NRXN1: variants seen among roughly 807,000 people sequenced by gnomAD.
NRXN1 encodes neurexin-1.
In NRXN1, 39 loss-of-function variants were observed where a neutral mutation model predicts 150.9. The observed-to-expected ratio is 0.26, with a 90% CI of 0.20 to 0.34. NRXN1 has a LOEUF of 0.34. NRXN1 is among the 10% of genes least tolerant of loss of function. The pLI, the probability that NRXN1 is intolerant of heterozygous loss-of-function variation, is 1.00. For synonymous variants in NRXN1, 924 were observed against 757.0 expected, an observed-to-expected ratio of 1.22 and a Z score of -3.62; for missense variants, 1,815 against 1,949.9, an observed-to-expected ratio of 0.93 and a Z score of 1.30.
chr2:50,079,377 T>G (rs1309576968), intron 19 of NRXN1, among the ~76,000 whole-genome samples: 1 of 152,118 alleles, frequency 6.6e-6, no homozygotes, highest in Non-Finnish European at 1.5e-5. Flanking sequence ...ATTTTCCTAT[T>G]AGCTATTGTT....
At chr2:50,015,516 CAAAAAAAAAA>C (rs34466037) in intron 21 of NRXN1, among the ~76,000 whole-genome samples, 15 of 31,324 alleles carry the variant, frequency 4.8e-4, no homozygotes, top group African/African-American at 1.6e-3. Context: ...GGATTTCTGC[CAAAAAAAAAA>C]AAAAAAAAAA....
At chr2:50,938,164 G>A (rs937144774) in intron 2 of NRXN1, among the ~76,000 whole-genome samples, 1 of 152,134 alleles carries the variant, frequency 6.6e-6, no homozygotes, top group Non-Finnish European at 1.5e-5. Flanking sequence ...ACAGTAGATA[G>A]TGAGTAAATG....
At chr2:50,797,084 C>G (rs1706941901) in intron 5 of NRXN1, among the ~76,000 whole-genome samples, 1 of 152,144 alleles carries the variant, frequency 6.6e-6, no homozygotes, top group South Asian at 2.1e-4. Context: ...TAATAACTTT[C>G]CGAAAGTCCC....
chr2:50,074,492 C>T lies in NRXN1; in HGVS notation c.3718+16831G>A, dbSNP rs186029992. 4.3e-3 allele frequency among the ~76,000 whole-genome samples: 660 copies of T among 152,182 alleles called. 4 individuals carry two copies. The highest frequency in any genetic ancestry group is 6.9e-3 in the Non-Finnish European group (468 of 67,954). On this transcript the variant is annotated intron_variant, in intron 19 of 22. Coordinates refer to ENST00000401669, the MANE Select transcript of NRXN1 (RefSeq NM_001330078.2). ...AAAATGGGGATAATTTATGAGGTTA[C>T]TTTTAAGAATAATATGTAATGTCTG...
intron 5 of NRXN1, among the ~76,000 whole-genome samples, chr2:50,715,827 C>T (rs1396723100): frequency 6.6e-6 from 1 of 152,124 alleles, no homozygotes; most frequent in Non-Finnish European, 1.5e-5. Context: ...TATTAATCTC[C>T]ATATATTGAT....
chr2:50,842,993 C>T (rs544371440), intron 5 of NRXN1, among the ~76,000 whole-genome samples: 1 of 151,970 alleles, frequency 6.6e-6, no homozygotes, highest in African/African-American at 2.4e-5. Context: ...AGAGAGAATC[C>T]AAATCATTTA....
chr2:50,746,508 T>C (rs1171364440), intron 5 of NRXN1, among the ~76,000 whole-genome samples: 1 of 151,848 alleles, frequency 6.6e-6, no homozygotes, highest in East Asian at 1.9e-4. Context: ...CAGTGAGCCA[T>C]GATTATGATA....
chr2:50,547,297 C>A (rs908470618), intron 9 of NRXN1, among the ~76,000 whole-genome samples: 1 of 116,546 alleles, frequency 8.6e-6, no homozygotes, highest in Non-Finnish European at 1.7e-5. Context: ...TGATGGTTTA[C>A]AAAATAAATA....
At position 50,447,479 on chromosome 2, in the gene NRXN1, CAAAAAA is replaced by C. The variant is rs35878890; in HGVS notation, c.3364+17957_3364+17962del. Among the ~76,000 whole-genome samples, 4 of 38,568 alleles carry C rather than the reference CAAAAAA, an allele frequency of 1.0e-4. 1 individual carries two copies. The highest frequency in any genetic ancestry group is 1.4e-3 in the East Asian group (2 of 1,406). The allele number at this position is 38,568 out of a possible 152,430, so 25.3% of individuals were successfully genotyped here. ...TGGGTGACAGAGTGAGACTCTGTCT[CAAAAAA>C]AAAAAAAAAAAAAAAAAAAAGGAAT... On this transcript the variant is annotated intron_variant, in intron 17 of 22. Coordinates refer to ENST00000401669, the MANE Select transcript of NRXN1 (RefSeq NM_001330078.2).
intron 21 of NRXN1, among the ~76,000 whole-genome samples, chr2:49,965,055 T>G (rs1676708280): frequency 6.6e-6 from 1 of 151,926 alleles, no homozygotes. Context: ...ATTTTTTGTA[T>G]TTTTGGTAGA....
At position 50,438,716 on chromosome 2, in the gene NRXN1, G is replaced by A. The variant is rs1012589; in HGVS notation, c.3364+26726C>T. The stretch of plus-strand genomic sequence containing the variant: ...CTAAGTTTTACTGGAGAATAAAAAC[G>A]ACTAATAAATGTTTTATTAATAATC... On this transcript the variant is annotated intron_variant, in intron 17 of 22. Coordinates refer to ENST00000401669, the MANE Select transcript of NRXN1 (RefSeq NM_001330078.2). 7.9e-3 allele frequency among the ~76,000 whole-genome samples: 1,206 copies of A among 152,212 alleles called. 17 individuals are homozygous for A. The highest frequency in any genetic ancestry group is 0.028 in the African/African-American group (1,154 of 41,532).
chr2:50,747,460 C>T (rs1445964724), intron 5 of NRXN1, among the ~76,000 whole-genome samples: 1 of 152,096 alleles, frequency 6.6e-6, no homozygotes, highest in Non-Finnish European at 1.5e-5. Context: ...CTTCACACAA[C>T]ACAGTCAACC....
At position 50,168,067 on chromosome 2, in the gene NRXN1, A is replaced by C. The variant is rs1381012304; in HGVS notation, c.3546+68722T>G. Among the ~76,000 whole-genome samples, 3 of 152,086 alleles carry C rather than the reference A, an allele frequency of 2.0e-5. No individual in the cohort carries two copies. In the East Asian group the frequency reaches 5.8e-4, roughly 29 times the overall value. ...TCAATTCCTCTGTTTGCAATGCAGC[A>C]ATATCTTGTTTGAATGCAAATTAAA... On this transcript the variant is annotated intron_variant, in intron 18 of 22. Coordinates refer to ENST00000401669, the MANE Select transcript of NRXN1 (RefSeq NM_001330078.2).
rs145337888 is a variant in NRXN1, at chr2:50,175,654, T to C, written c.3546+61135A>G. Among the ~76,000 whole-genome samples, 184 of 152,182 alleles carry C rather than the reference T, an allele frequency of 1.2e-3. 1 individual carries two copies. The highest frequency in any genetic ancestry group is 4.2e-3 in the African/African-American group (176 of 41,530). ...GCATATATATGCACATGCATGTCTATCTATACATATACATTTACAACAAAG... is the reference window on the plus strand; with the variant it reads ...GCATATATATGCACATGCATGTCTACCTATACATATACATTTACAACAAAG... On this transcript the variant is annotated intron_variant, in intron 18 of 22. Coordinates refer to ENST00000401669, the MANE Select transcript of NRXN1 (RefSeq NM_001330078.2).
chr2:50,482,727 C>T (rs2090562314), intron 15 of NRXN1, among the ~76,000 whole-genome samples: 1 of 152,032 alleles, frequency 6.6e-6, no homozygotes, highest in South Asian at 2.1e-4. Flanking sequence ...GTTAGATGTT[C>T]TTAGTAACAT....
chr2:50,188,525 G>T (rs962308456), intron 18 of NRXN1, among the ~76,000 whole-genome samples: 1 of 152,072 alleles, frequency 6.6e-6, no homozygotes, highest in Non-Finnish European at 1.5e-5. Context: ...TGACAAATGG[G>T]ATCTAATTAA....
chr2:49,989,798 A>C (rs1177374957), intron 21 of NRXN1, among the ~76,000 whole-genome samples: 1 of 152,194 alleles, frequency 6.6e-6, no homozygotes, highest in African/African-American at 2.4e-5. Context: ...AGTAGTATTC[A>C]ACTTAACCAA....
chr2:50,812,472 GA>G (rs1473534151), intron 5 of NRXN1, among the ~76,000 whole-genome samples: 1 of 152,050 alleles, frequency 6.6e-6, no homozygotes, highest in Non-Finnish European at 1.5e-5. Context: ...TTGGTTTTAA[GA>G]AATTTTCCTC....
At chr2:51,010,130 A>G (rs1257560197) in intron 2 of NRXN1, among the ~76,000 whole-genome samples, 13 of 151,994 alleles carry the variant, frequency 8.6e-5, no homozygotes. Context: ...ATCTTCTGAA[A>G]TGGACTATTG....
Sources: gnomAD v4.1 joint callset for allele counts (sites outside exome capture counted in the v4.1 genomes callset) on GRCh38, gnomAD v4.1.1 for gene constraint, MANE v1.5 for transcripts, NCBI Gene and HGNC (gene_info 2026-07-23, HGNC 2026-07-21) for gene names.